Variants in ADGRE5 observed in about 807,000 individuals in gnomAD.
ADGRE5 encodes adhesion G protein-coupled receptor E5.
Under a neutral mutation model 100.3 loss-of-function variants are expected in ADGRE5, and 72 were observed. That is an observed-to-expected ratio of 0.72 (90% CI 0.59 to 0.87). The LOEUF (loss-of-function observed/expected upper bound fraction) is 0.87, where lower values mean the gene tolerates loss of function less well. Among genes scored for constraint, ADGRE5 ranks in the 40% least tolerant of loss-of-function variants. The pLI is 0.00. For synonymous variants in ADGRE5, 439 were observed against 447.8 expected (o/e 0.98, Z 0.25); for missense variants, 959 against 1,094.7 (o/e 0.88, Z 1.75).
chr19:14,406,760 C>T lies in ADGRE5; in HGVS notation c.2109C>T (p.Ile703=). 1.9e-6 allele frequency: 3 copies of T among 1,614,120 alleles called. No homozygotes were observed. Among genetic ancestry groups the T allele is most frequent in the Non-Finnish European group, 2.5e-6 (3 of 1,179,992 alleles). The stretch of plus-strand genomic sequence containing the variant: ...GCTTCTTGGGACCTGTGACCTTCAT[C>T]ATTTTGGTAAGTACCCACTCTCCCT... ...LWSFLGPVTF[I]ILCNAVIFVT... is the part of the protein sequence containing the mutation. The change falls in exon 16 of 20, where the codon ATC becomes ATT. Residue 703 remains isoleucine, a synonymous_variant. Transcript: ENST00000242786. The surrounding 1 kb of genome is among the most constrained non-coding windows in gnomAD (Gnocchi z 6.0).
rs1209305705 is a variant in ADGRE5 at position 14,406,495 on chromosome 19, G to C, written c.1986G>C (p.Val662=). ...TRWLCLIGYG[V]PLLIVGVSAA... Reference sequence around the variant, plus strand: ...GGCTCTGCCTGATCGGCTATGGCGTGCCCCTGCTCATCGTGGGCGTCTCGG... The same window carrying C: ...GGCTCTGCCTGATCGGCTATGGCGTCCCCCTGCTCATCGTGGGCGTCTCGG... Residue 662 remains valine, a synonymous_variant, in exon 15 of 20, where the codon GTG becomes GTC. Transcript: ENST00000242786. This position sits in a 1 kb window ranked among gnomAD's most constrained non-coding sequence, Gnocchi z 6.0. The C allele has an allele frequency of 6.4e-7, 1 of 1,565,694 alleles. No homozygotes were observed. The highest frequency in any genetic ancestry group is 8.7e-7 in the Non-Finnish European group (1 of 1,155,350).
Position 14,406,870 on chromosome 19 carries a change from G to T in ADGRE5, c.2117G>T (p.Cys706Phe). 4.3e-6 allele frequency: 7 copies of T among 1,614,032 alleles called. No homozygotes were observed. Among genetic ancestry groups the T allele is most frequent in the Non-Finnish European group, 5.9e-6 (7 of 1,179,850 alleles). Residue 706 changes from cysteine to phenylalanine, a missense_variant and splice_region_variant, in exon 17 of 20, where the codon TGC becomes TTC. Around this residue, in one of 6 missense-constraint regions of ADGRE5, gnomAD observed 428 missense variants for 386.2 expected, o/e 1.11. Transcript: ENST00000242786. The surrounding 1 kb of genome is among the most constrained non-coding windows in gnomAD (Gnocchi z 6.0). ...ACCCACAATCTGCTCCCTGCCCAGTGCAATGCTGTCATTTTCGTGACTACC... is the reference window on the plus strand; with the variant it reads ...ACCCACAATCTGCTCCCTGCCCAGTTCAATGCTGTCATTTTCGTGACTACC... ...FLGPVTFIILCNAVIFVTTVW... is the reference protein window; with the variant it reads ...FLGPVTFIILFNAVIFVTTVW...
Position 14,406,467 on chromosome 19 carries a change from G to C in ADGRE5, c.1958G>C (p.Arg653Pro). Residue 653 changes from arginine (R) to proline (P), a missense_variant, in exon 15 of 20, where the codon CGC becomes CCC. Coordinates refer to ENST00000242786, the MANE Select transcript of ADGRE5 (RefSeq NM_078481.4). The surrounding 1 kb of genome is among the most constrained non-coding windows in gnomAD (Gnocchi z 6.0). ...TTCCAAGGCCAGGGCCTGAGTACGC[G>C]CTGGCTCTGCCTGATCGGCTATGGC... ...RVFQGQGLST[R>P]WLCLIGYGVP... 3 of 1,568,154 alleles carry C rather than the reference G, an allele frequency of 1.9e-6. No individual in the cohort carries two copies. Among genetic ancestry groups the C allele is most frequent in the Non-Finnish European group, 2.6e-6 (3 of 1,156,732 alleles).
chr19:14,405,863 T>A lies in ADGRE5; in HGVS notation c.1745T>A (p.Ile582Lys). The change falls in exon 14 of 20, where the codon ATA becomes AAA. Residue 582 changes from isoleucine (I) to lysine (K), a missense_variant. By Grantham distance (102) the Ile-to-Lys change is moderately radical. Coordinates refer to ENST00000242786, the MANE Select transcript of ADGRE5 (RefSeq NM_078481.4). ...VRPIQGSRTT[I>K]HLHLCICLFV... ...CCCATCCAGGGCTCGCGCACCACCA[T>A]ACACCTGCACCTCTGCATCTGCCTC... 6.2e-7 allele frequency: 1 copy of A among 1,613,054 alleles called. No individual in the cohort carries two copies. The highest frequency in any genetic ancestry group is 1.3e-5 in the African/African-American group (1 of 75,064).
intron 18 of ADGRE5, 114 bp from the exon 19 acceptor site, chr19:14,407,792 CAA>C (rs758451699): frequency 2.3e-6 from 2 of 862,438 alleles, no homozygotes; most frequent in Non-Finnish European, 3.7e-6. Context: ...GACCCGATCT[CAA>C]AAAAAAGACA....
In ADGRE5 at chr19:14,407,974, TCCA is replaced by T. The variant is rs1426818935; in HGVS notation, c.2448_2450del (p.Thr817del). The T allele has an allele frequency of 6.2e-7, 1 of 1,614,020 alleles. No homozygotes were observed. The highest frequency in any genetic ancestry group is 1.1e-5 in the South Asian group (1 of 91,072). On this transcript the variant is annotated inframe_deletion, in exon 19 of 20. Transcript: ENST00000242786. ...GGGGAGCAAGTACTCAGAATTCACC[TCCA>T]CCACGTCTGGCACTGGCCACAATCA...
chr19:14,400,723 C>T (rs1324045953), intron 9 of ADGRE5, among the ~76,000 whole-genome samples: 10 of 151,998 alleles, frequency 6.6e-5, no homozygotes, highest in African/African-American at 1.2e-4. Context: ...ACCCAGAAGT[C>T]GGAGGTTGCA....
Position 14,406,020 on chromosome 19 carries a change from C to A in ADGRE5, c.1821+81C>A. On this transcript the variant is annotated intron_variant, in intron 14 of 19. Transcript: ENST00000242786. This position sits in a 1 kb window ranked among gnomAD's most constrained non-coding sequence, Gnocchi z 6.0. ...GTTAGCCCCGCCCACTCCCGGGGCT[C>A]AGTCGGGTAGGCGGGCCCTGGAGGC... 2 of 1,284,766 alleles carry A rather than the reference C, an allele frequency of 1.6e-6. No individual in the cohort carries two copies. Among genetic ancestry groups the A allele is most frequent in the Non-Finnish European group, 2.1e-6 (2 of 947,828 alleles). The allele number at this position is 1,284,766 out of a possible 1,614,324, so 79.6% of individuals were successfully genotyped here. A position where few individuals can be genotyped will look rare whatever the true frequency, so the allele number is the denominator to read the frequency against.
At chr19:14,389,429 G>A (rs112285894) in intron 3 of ADGRE5, among the ~76,000 whole-genome samples, 2 of 34,986 alleles carry the variant, frequency 5.7e-5, no homozygotes, top group Non-Finnish European at 4.5e-5. Flanking sequence ...GGAAGGAAGG[G>A]AGGAAGGGAG....
chr19:14,396,200 T>C, intron 4 of ADGRE5, 142 bp from the exon 5 acceptor site: 3 of 1,495,412 alleles, frequency 2.0e-6, no homozygotes, highest in Non-Finnish European at 2.7e-6. Context: ...ACCCTCACCA[T>C]AGGATGCCTC....
At position 14,406,387 on chromosome 19, in the gene ADGRE5, C is replaced by A; in HGVS notation, c.1878C>A (p.Ala626=). Residue 626 remains alanine (A), a synonymous_variant, in exon 15 of 20, where the codon GCC becomes GCA. Coordinates refer to ENST00000242786, the MANE Select transcript of ADGRE5 (RefSeq NM_078481.4). This position sits in a 1 kb window ranked among gnomAD's most constrained non-coding sequence, Gnocchi z 6.0. The part of the protein sequence containing the change: ...AGLLHYCFLA[A]FCWMSLEGLE... ...TGCTGCACTACTGTTTCCTGGCCGC[C>A]TTCTGCTGGATGAGCCTCGAAGGCC... The A allele has an allele frequency of 6.3e-7, 1 of 1,591,698 alleles. No individual in the cohort carries two copies.
intron 1 of ADGRE5, among the ~76,000 whole-genome samples, chr19:14,382,930 T>G (rs1975212815): frequency 6.6e-6 from 1 of 151,932 alleles, no homozygotes; most frequent in African/African-American, 2.4e-5. Flanking sequence ...GAGACGGGGT[T>G]TCACCATGAT....
intron 4 of ADGRE5, 68 bp downstream of exon 4, chr19:14,391,147 A>G: frequency 1.3e-6 from 2 of 1,599,380 alleles, no homozygotes; most frequent in Non-Finnish European, 1.7e-6. Flanking sequence ...CCATTCTGGC[A>G]GCATCCAGAG....
intron 3 of ADGRE5, 45 bp from the exon 4 acceptor site, chr19:14,390,879 A>C: frequency 6.2e-7 from 1 of 1,603,896 alleles, no homozygotes; most frequent in Non-Finnish European, 8.5e-7. Flanking sequence ...GCCCTGACAG[A>C]ACTCACATCT....
Position 14,406,444 on chromosome 19 carries a change from C to CA in ADGRE5, c.1935_1936insA (p.Gln646ThrfsTer44). The CA allele has an allele frequency of 6.3e-7, 1 of 1,583,778 alleles. No individual in the cohort carries two copies. The highest frequency in any genetic ancestry group is 1.8e-5 in the Admixed American group (1 of 54,922). On this transcript the variant is annotated frameshift_variant, in exon 15 of 20. Coordinates refer to ENST00000242786, the MANE Select transcript of ADGRE5 (RefSeq NM_078481.4). LOFTEE classifies it high-confidence loss of function. The surrounding 1 kb of genome is among the most constrained non-coding windows in gnomAD (Gnocchi z 6.0). ...TCTACTTTCTTGTGGTGCGCGTGTT[C>CA]CAAGGCCAGGGCCTGAGTACGCGCT...
At chr19:14,402,965 T>C in intron 12 of ADGRE5, 103 bp downstream of exon 12, 1 of 1,144,032 alleles carries the variant, frequency 8.7e-7, no homozygotes, top group Non-Finnish European at 1.3e-6. Context: ...CAGTCTTTTA[T>C]GTTTCTGGCC....
At chr19:14,393,180 A>G (rs1250228299) in intron 4 of ADGRE5, among the ~76,000 whole-genome samples, 3 of 148,832 alleles carry the variant, frequency 2.0e-5, no homozygotes, top group Admixed American at 6.8e-5. Flanking sequence ...CAGCCTGGGC[A>G]ACAGAGCGAG....
In ADGRE5 at chr19:14,401,670, C is replaced by T. The variant is rs1294328273; in HGVS notation, c.1093C>T (p.Gln365Ter). 6.3e-7 allele frequency: 1 copy of T among 1,596,294 alleles called. No individual in the cohort carries two copies. Among genetic ancestry groups the T allele is most frequent in the South Asian group, 1.1e-5 (1 of 88,526 alleles). Residue 365 changes from glutamine to a stop codon, truncating the protein, a stop_gained, in exon 11 of 20, where the codon CAG becomes TAG. Transcript: ENST00000242786. LOFTEE classifies it high-confidence loss of function. This position sits in a 1 kb window ranked among gnomAD's most constrained non-coding sequence, Gnocchi z 4.1. ...PSNTELTLMI[Q>*]ERGDKNVTMG... is the part of the protein sequence containing the mutation. ...CCCCTCAGAGCTGACCCTGATGATC[C>T]AGGAGCGGGGGGACAAGAACGTCAC... is the stretch of plus-strand genomic sequence containing the variant.
chr19:14,387,212 G>A (rs1975389452), intron 1 of ADGRE5, among the ~76,000 whole-genome samples: 1 of 151,966 alleles, frequency 6.6e-6, no homozygotes, highest in Non-Finnish European at 1.5e-5. Context: ...GGGGATGCCT[G>A]GCTCCTGTCT....
Sources: gnomAD v4.1 joint callset for allele counts (sites outside exome capture counted in the v4.1 genomes callset) on GRCh38, gnomAD v4.1.1 for gene constraint, gnomAD v4.1.1 regional missense constraint, Gnocchi (gnomAD v3.1) non-coding constraint, MANE v1.5 for transcripts, NCBI Gene and HGNC (gene_info 2026-07-23, HGNC 2026-07-21) for gene names.